CNTN5: variants seen among roughly 807,000 people sequenced by gnomAD.
CNTN5 encodes the protein contactin 5, also known as contactin-5.
Under a neutral mutation model 129.1 loss-of-function variants are expected in CNTN5, and 77 were observed. The ratio of observed to expected loss-of-function variants is 0.60; its 90% CI spans 0.50 to 0.72. CNTN5 has a LOEUF of 0.72. CNTN5 is among the 30% of genes least tolerant of loss of function. The probability of loss-of-function intolerance (pLI) is 0.00; values close to 1 mark genes in which losing one functional copy is unlikely to be tolerated. For missense variants in CNTN5, 1,478 were observed against 1,328.8 expected, an observed-to-expected ratio of 1.11 and a Z score of -1.75; for synonymous variants, 509 against 465.6, an observed-to-expected ratio of 1.09 and a Z score of -1.20.
intron 2 of CNTN5, among the ~76,000 whole-genome samples, chr11:99,440,474 G>C (rs1943782806): frequency 6.6e-6 from 1 of 151,928 alleles, no homozygotes; most frequent in South Asian, 2.1e-4. Context: ...AACACAAATA[G>C]TCAACTTAGG....
At chr11:100,099,346 T>A (rs184782168) in intron 13 of CNTN5, among the ~76,000 whole-genome samples, 4 of 152,120 alleles carry the variant, frequency 2.6e-5, no homozygotes, top group Admixed American at 2.0e-4. Context: ...GGGCTAGGAT[T>A]TCCTGATTCT....
chr11:100,101,271 G>A (rs1472458494), intron 13 of CNTN5, among the ~76,000 whole-genome samples: 1 of 152,048 alleles, frequency 6.6e-6, no homozygotes, highest in Non-Finnish European at 1.5e-5. Flanking sequence ...AAGTTCAGTG[G>A]AAAAGACCAG....
At chr11:99,304,748 G>A (rs577253445) in intron 1 of CNTN5, among the ~76,000 whole-genome samples, 26 of 152,220 alleles carry the variant, frequency 1.7e-4, no homozygotes, top group South Asian at 1.7e-3. Flanking sequence ...ATTGTTTGCC[G>A]CAATTCTTAC....
At chr11:99,706,196 G>C (rs1404558880) in intron 3 of CNTN5, among the ~76,000 whole-genome samples, 1 of 151,318 alleles carries the variant, frequency 6.6e-6, no homozygotes, top group Non-Finnish European at 1.5e-5. Context: ...GCAGTTGGTT[G>C]GGTTTCACAA....
chr11:99,314,960 G>T (rs1264101831), intron 1 of CNTN5, among the ~76,000 whole-genome samples: 1 of 148,408 alleles, frequency 6.7e-6, no homozygotes, highest in African/African-American at 2.4e-5. Flanking sequence ...GTGGGTGGGG[G>T]GACGGGGTGT....
intron 15 of CNTN5, among the ~76,000 whole-genome samples, chr11:100,214,048 CA>C (rs1949088942): frequency 6.6e-6 from 1 of 151,630 alleles, no homozygotes; most frequent in Non-Finnish European, 1.5e-5. Flanking sequence ...CTAGTATTGC[CA>C]AAAAAGATGA....
chr11:100,301,776 G>A (rs1951226040), intron 20 of CNTN5, among the ~76,000 whole-genome samples: 1 of 151,576 alleles, frequency 6.6e-6, no homozygotes, highest in Non-Finnish European at 1.5e-5. Context: ...CCTCTCTGAG[G>A]CTTAGCTTCC....
chr11:99,890,577 A>G (rs767540160), intron 6 of CNTN5, among the ~76,000 whole-genome samples: 10 of 150,516 alleles, frequency 6.6e-5, no homozygotes, highest in Non-Finnish European at 1.3e-4. Context: ...GTGTGTGTGT[A>G]TATATACATA....
chr11:99,240,868 A>G (rs1861512608), intron 1 of CNTN5, among the ~76,000 whole-genome samples: 1 of 152,192 alleles, frequency 6.6e-6, no homozygotes, highest in Non-Finnish European at 1.5e-5. Flanking sequence ...CCGTAAAACC[A>G]AACACACAGA....
intron 1 of CNTN5, among the ~76,000 whole-genome samples, chr11:99,030,598 AT>A (rs1468673225): frequency 2.0e-5 from 3 of 152,204 alleles, no homozygotes; most frequent in Non-Finnish European, 4.4e-5. Flanking sequence ...AGAGGAAGAT[AT>A]TTCACATAAT....
chr11:99,339,745 G>A (rs976525187), intron 2 of CNTN5, among the ~76,000 whole-genome samples: 5 of 150,616 alleles, frequency 3.3e-5, no homozygotes, highest in African/African-American at 7.3e-5. Context: ...TTGCGCCACC[G>A]CACTCCAGCC....
chr11:99,768,961 C>A (rs1944852258), intron 3 of CNTN5, among the ~76,000 whole-genome samples: 1 of 152,042 alleles, frequency 6.6e-6, no homozygotes, highest in African/African-American at 2.4e-5. Context: ...AAAATAAAAA[C>A]TTTCTAATTA....
chr11:99,789,927 C>T (rs1341069745), intron 3 of CNTN5, among the ~76,000 whole-genome samples: 1 of 151,972 alleles, frequency 6.6e-6, no homozygotes, highest in African/African-American at 2.4e-5. Flanking sequence ...TCTCTATCTC[C>T]CTGCTTCTCT....
chr11:100,322,313 C>T (rs1028126662), intron 21 of CNTN5, among the ~76,000 whole-genome samples: 1 of 152,044 alleles, frequency 6.6e-6, no homozygotes, highest in Non-Finnish European at 1.5e-5. Flanking sequence ...AGCTCCGCCT[C>T]CTGGGTTCAC....
chr11:100,063,437 T>C (rs756108153), intron 10 of CNTN5, among the ~76,000 whole-genome samples: 2 of 151,968 alleles, frequency 1.3e-5, no homozygotes, highest in Non-Finnish European at 2.9e-5. Flanking sequence ...GGCTGGCTAC[T>C]TGGCATATAT....
intron 3 of CNTN5, among the ~76,000 whole-genome samples, chr11:99,730,494 C>G (rs1692128062): frequency 6.6e-6 from 1 of 152,146 alleles, no homozygotes; most frequent in Non-Finnish European, 1.5e-5. Context: ...TGCCGGTTAT[C>G]TACTATTAGA....
At chr11:99,494,186 A>C (rs1305214177) in intron 2 of CNTN5, among the ~76,000 whole-genome samples, 1 of 152,170 alleles carries the variant, frequency 6.6e-6, no homozygotes, top group Admixed American at 6.5e-5. Context: ...AATCGACCAA[A>C]TTTAGAAGTA....
At chr11:99,453,882 T>C (rs890473606) in intron 2 of CNTN5, among the ~76,000 whole-genome samples, 11 of 152,216 alleles carry the variant, frequency 7.2e-5, no homozygotes, top group African/African-American at 2.7e-4. Flanking sequence ...GGGATGCATC[T>C]TCAAGTAGTA....
chr11:99,413,629 A>C (rs1487449747), intron 2 of CNTN5, among the ~76,000 whole-genome samples: 1 of 151,990 alleles, frequency 6.6e-6, no homozygotes, highest in Non-Finnish European at 1.5e-5. Context: ...AAAAAACAAA[A>C]CAAAACAAAA....
Sources: gnomAD v4.1 joint callset for allele counts (sites outside exome capture counted in the v4.1 genomes callset) on GRCh38, gnomAD v4.1.1 for gene constraint, MANE v1.5 for transcripts, NCBI Gene and HGNC (gene_info 2026-07-23, HGNC 2026-07-21) for gene names.